Variants in TESK2 observed in about 807,000 individuals in gnomAD.
The protein encoded by TESK2 is testis associated actin remodelling kinase 2.
In TESK2, 39 loss-of-function variants were observed where a neutral mutation model predicts 57.1. The observed-to-expected ratio is 0.68, with a 90% CI of 0.53 to 0.89. The LOEUF is 0.89. TESK2 is among the 40% of genes least tolerant of loss of function. TESK2 has a pLI of 0.00. For missense variants in TESK2, 646 were observed against 732.1 expected (o/e 0.88, Z 1.36); for synonymous variants, 249 against 267.9 (o/e 0.93, Z 0.69).
intron 2 of TESK2, among the ~76,000 whole-genome samples, chr1:45,445,098 A>C (rs1651595051): frequency 6.6e-6 from 1 of 152,072 alleles, no homozygotes; most frequent in Non-Finnish European, 1.5e-5. Context: ...CTGGATTGGC[A>C]ACCTATAACG....
intron 5 of TESK2, among the ~76,000 whole-genome samples, chr1:45,352,987 C>T (rs1009210130): frequency 6.6e-6 from 1 of 152,066 alleles, no homozygotes; most frequent in African/African-American, 2.4e-5. Context: ...CAGCCACCAT[C>T]TCCTGGGTTC....
At chr1:45,431,526 A>G (rs1011149524) in intron 2 of TESK2, among the ~76,000 whole-genome samples, 1 of 152,172 alleles carries the variant, frequency 6.6e-6, no homozygotes, top group Non-Finnish European at 1.5e-5. Flanking sequence ...TATAGCCTGG[A>G]ACAAAGACAT....
chr1:45,420,891 T>C (rs1650447709), intron 3 of TESK2, among the ~76,000 whole-genome samples: 1 of 152,022 alleles, frequency 6.6e-6, no homozygotes, highest in Non-Finnish European at 1.5e-5. Flanking sequence ...CCCAGCCAAA[T>C]TTTTTTTAAA....
chr1:45,471,338 T>C (rs1570763384), intron 1 of TESK2, among the ~76,000 whole-genome samples: 1 of 152,158 alleles, frequency 6.6e-6, no homozygotes, highest in East Asian at 1.9e-4. Context: ...GAATAAAACA[T>C]GACTCCACCT....
At chr1:45,406,642 C>A (rs886267155) in intron 3 of TESK2, among the ~76,000 whole-genome samples, 3 of 151,946 alleles carry the variant, frequency 2.0e-5, no homozygotes, top group African/African-American at 7.3e-5. Flanking sequence ...GGTGACAGAG[C>A]AAGGCTCTGT....
At chr1:45,345,636 C>T in intron 10 of TESK2, 78 bp from the exon 11 acceptor site, 2 of 1,341,774 alleles carry the variant, frequency 1.5e-6, no homozygotes, top group Non-Finnish European at 2.1e-6. Flanking sequence ...AATGTTTTCA[C>T]TCATGAAAGC....
intron 2 of TESK2, among the ~76,000 whole-genome samples, chr1:45,445,603 A>G (rs983908907): frequency 2.0e-5 from 3 of 148,516 alleles, no homozygotes; most frequent in African/African-American, 7.5e-5. Flanking sequence ...CCTGGGCAAC[A>G]TAATGAGACC....
chr1:45,384,593 A>ATTTTTT (rs59988269), intron 4 of TESK2, among the ~76,000 whole-genome samples: 1,300 of 70,638 alleles, frequency 0.018, 95 homozygotes, highest in Non-Finnish European at 0.021. Context: ...CTAATTATTA[A>ATTTTTT]TTTTTTTTTT....
chr1:45,385,369 G>A (rs764197068), intron 4 of TESK2: 6 of 984,456 alleles, frequency 6.1e-6, no homozygotes, highest in Non-Finnish European at 7.2e-6. Context: ...CCTAGCAGAG[G>A]CTGGAAATGA....
intron 1 of TESK2, among the ~76,000 whole-genome samples, chr1:45,476,328 G>A (rs1652988454): frequency 6.6e-6 from 1 of 151,754 alleles, no homozygotes; most frequent in Admixed American, 6.6e-5. Context: ...AACAACATGA[G>A]GAGACTTTGT....
chr1:45,480,907 GAA>G (rs1331701774), intron 1 of TESK2, among the ~76,000 whole-genome samples: 7 of 151,740 alleles, frequency 4.6e-5, no homozygotes, highest in Non-Finnish European at 1.0e-4. Flanking sequence ...AGAATCACTT[GAA>G]CCCGGGAAAT....
chr1:45,424,082 C>A (rs184348934), intron 2 of TESK2, among the ~76,000 whole-genome samples: 407 of 152,250 alleles, frequency 2.7e-3, no homozygotes, highest in Middle Eastern at 6.8e-3. Context: ...CTTTACTATG[C>A]AAAAATGTCA....
chr1:45,468,449 T>G (rs565151980), intron 1 of TESK2, among the ~76,000 whole-genome samples: 1 of 152,318 alleles, frequency 6.6e-6, no homozygotes, highest in East Asian at 1.9e-4. Context: ...TGTCAATTTA[T>G]TCTGACAAAT....
intron 4 of TESK2, among the ~76,000 whole-genome samples, chr1:45,374,912 T>C (rs1648341548): frequency 6.6e-6 from 1 of 152,192 alleles, no homozygotes. Context: ...CATCCTCTCA[T>C]ACCCCACAGC....
At chr1:45,360,394 A>G (rs1419162787) in intron 4 of TESK2, among the ~76,000 whole-genome samples, 2 of 152,130 alleles carry the variant, frequency 1.3e-5, no homozygotes, top group Non-Finnish European at 2.9e-5. Flanking sequence ...AGGTTTCCCA[A>G]CTGAGTGCCA....
In TESK2 at chr1:45,457,873, T is replaced by A; in HGVS notation, c.-86-2A>T. 2 of 1,131,804 alleles carry A rather than the reference T, an allele frequency of 1.8e-6. No individual in the cohort carries two copies. Among genetic ancestry groups the A allele is most frequent in the South Asian group, 1.5e-5 (1 of 67,828 alleles). The allele number at this position is 1,131,804 out of a possible 1,614,324, so 70.1% of individuals were successfully genotyped here. A position where few individuals can be genotyped will look rare whatever the true frequency, so the allele number is the denominator to read the frequency against. On this transcript the variant is annotated splice_acceptor_variant, in intron 1 of 10. Coordinates refer to ENST00000372086, the MANE Select transcript of TESK2 (RefSeq NM_007170.3). LOFTEE classifies it low-confidence loss of function (5UTR_SPLICE). ...TTTTACTTCTCTTCTGGTTTGACAC[T>A]AAAGAGATCAAAAAAATTTCCACTG...
At chr1:45,478,077 CT>C (rs1350118733) in intron 1 of TESK2, among the ~76,000 whole-genome samples, 1 of 152,232 alleles carries the variant, frequency 6.6e-6, no homozygotes, top group African/African-American at 2.4e-5. Flanking sequence ...CATTTGACCC[CT>C]ACCCACATCT....
At position 45,396,805 on chromosome 1, in the gene TESK2, GTT is replaced by G. The variant is rs55739766; in HGVS notation, c.345-10847_345-10846del. Among the ~76,000 whole-genome samples the G allele has an allele frequency of 1.5e-3, 111 of 73,582 alleles. No homozygotes were observed. The East Asian group carries it at 0.03, about 20-fold the overall frequency. 48.3% of individuals were successfully genotyped at this position (73,582 alleles called of 152,430 possible). On this transcript the variant is annotated intron_variant, in intron 3 of 10. Transcript: ENST00000372086. Reference sequence around the variant, plus strand: ...CGCCCGGCCTGGTATCAGCTAAGTTGTTTTTTTTTTTTTTTTTTTTTTTGAGA... The same window carrying G: ...CGCCCGGCCTGGTATCAGCTAAGTTGTTTTTTTTTTTTTTTTTTTTTGAGA...
At chr1:45,455,626 C>T (rs911307410) in intron 2 of TESK2, among the ~76,000 whole-genome samples, 11 of 152,030 alleles carry the variant, frequency 7.2e-5, no homozygotes, top group Non-Finnish European at 1.3e-4. Context: ...TTCATGGGTA[C>T]AGAGATTCTG....
Sources: gnomAD v4.1 joint callset for allele counts (sites outside exome capture counted in the v4.1 genomes callset) on GRCh38, gnomAD v4.1.1 for gene constraint, MANE v1.5 for transcripts, NCBI Gene and HGNC (gene_info 2026-07-23, HGNC 2026-07-21) for gene names.